Variants in PTCHD4 observed in about 807,000 individuals in gnomAD.
PTCHD4 encodes the protein patched domain-containing protein 4.
PTCHD4 carries 33 observed loss-of-function variants against 58.1 expected under a neutral mutation model. The observed-to-expected ratio is 0.57, with a 90% CI of 0.43 to 0.76. The LOEUF is 0.76. Among genes scored for constraint, PTCHD4 ranks in the 30% least tolerant of loss-of-function variants. The pLI is 0.00. For missense variants in PTCHD4, 1,058 were observed against 1,027.1 expected (o/e 1.03, Z -0.41); for synonymous variants, 478 against 409.6 (o/e 1.17, Z -2.02).
chr6:48,105,206 A>T (rs1765693100), intron 1 of PTCHD4, among the ~76,000 whole-genome samples: 1 of 152,222 alleles, frequency 6.6e-6, no homozygotes, highest in Non-Finnish European at 1.5e-5. Context: ...TTGGAAGTAA[A>T]CCACTCCTCA....
intron 4 of PTCHD4, among the ~76,000 whole-genome samples, chr6:47,897,241 T>A (rs1161283731): frequency 6.6e-6 from 1 of 152,196 alleles, no homozygotes; most frequent in Admixed American, 6.5e-5. Flanking sequence ...GCTGACCTGA[T>A]GATGAGAGTC....
At chr6:48,012,833 T>G (rs1200833515) in intron 3 of PTCHD4, among the ~76,000 whole-genome samples, 2 of 151,528 alleles carry the variant, frequency 1.3e-5, no homozygotes, top group Non-Finnish European at 3.0e-5. Flanking sequence ...GAGATAATCA[T>G]GTGGTTTTTG....
At chr6:47,925,181 A>ATG (rs144217387) in intron 4 of PTCHD4, among the ~76,000 whole-genome samples, 19,720 of 146,820 alleles carry the variant, frequency 0.13, 1,349 homozygotes, top group African/African-American at 0.19. Flanking sequence ...TATTATATAT[A>ATG]TGTGTGTGTG....
chr6:47,934,241 G>A (rs565684327), intron 4 of PTCHD4, among the ~76,000 whole-genome samples: 1 of 152,236 alleles, frequency 6.6e-6, no homozygotes, highest in African/African-American at 2.4e-5. Flanking sequence ...CAGGCGGGAA[G>A]TGCTCTCCAG....
intron 4 of PTCHD4, among the ~76,000 whole-genome samples, chr6:47,984,415 C>T (rs1256279279): frequency 6.6e-6 from 1 of 152,066 alleles, no homozygotes; most frequent in Admixed American, 6.5e-5. Flanking sequence ...CTCATGAGAA[C>T]TCAATCAATG....
chr6:47,937,662 T>C (rs1226692080), intron 4 of PTCHD4, among the ~76,000 whole-genome samples: 1 of 152,140 alleles, frequency 6.6e-6, no homozygotes, highest in Non-Finnish European at 1.5e-5. Flanking sequence ...GTTGTCAGCA[T>C]ATATTTGGTA....
At chr6:48,075,668 T>C (rs576709112) in intron 1 of PTCHD4, among the ~76,000 whole-genome samples, 1 of 152,356 alleles carries the variant, frequency 6.6e-6, no homozygotes, top group East Asian at 1.9e-4. Context: ...GGTTTCCCAG[T>C]GCATATAAAA....
chr6:47,965,957 A>C (rs529878444), intron 4 of PTCHD4, among the ~76,000 whole-genome samples: 16 of 152,230 alleles, frequency 1.1e-4, no homozygotes, highest in Middle Eastern at 3.4e-3. Flanking sequence ...ACAACAACAA[A>C]AAAAACCCTC....
At chr6:48,072,665 A>G (rs796917940) in intron 1 of PTCHD4, among the ~76,000 whole-genome samples, 5 of 152,216 alleles carry the variant, frequency 3.3e-5, no homozygotes, top group African/African-American at 1.2e-4. Context: ...ATGGATGTAT[A>G]CTTATCTATA....
intron 4 of PTCHD4, among the ~76,000 whole-genome samples, chr6:47,938,921 A>T (rs1449143921): frequency 2.0e-5 from 3 of 152,134 alleles, no homozygotes; most frequent in African/African-American, 4.8e-5. Context: ...AAGCTGATAG[A>T]ATCAATGTAC....
At chr6:48,037,145 C>G (rs1045195971) in intron 3 of PTCHD4, among the ~76,000 whole-genome samples, 1 of 152,064 alleles carries the variant, frequency 6.6e-6, no homozygotes, top group African/African-American at 2.4e-5. Context: ...TATTATCTCA[C>G]GTCATGACTA....
chr6:48,030,025 G>A (rs1763381053), intron 3 of PTCHD4, among the ~76,000 whole-genome samples: 1 of 152,016 alleles, frequency 6.6e-6, no homozygotes, highest in East Asian at 1.9e-4. Context: ...GGTACTACAG[G>A]TGAAGTCTGG....
chr6:48,019,639 G>A (rs1441635277), intron 3 of PTCHD4, among the ~76,000 whole-genome samples: 1 of 152,032 alleles, frequency 6.6e-6, no homozygotes, highest in African/African-American at 2.4e-5. Context: ...GGGAGGCTGA[G>A]GCAGGAGAAT....
chr6:48,044,310 T>C (rs1562023899), intron 3 of PTCHD4, among the ~76,000 whole-genome samples: 1 of 151,872 alleles, frequency 6.6e-6, no homozygotes, highest in Non-Finnish European at 1.5e-5. Flanking sequence ...GTCCACAAAT[T>C]ACTTCCAAAT....
rs1000344719 is a variant in PTCHD4 at position 47,873,156 on chromosome 6, T to C, written c.*5147A>G. 1.3e-5 allele frequency among the ~76,000 whole-genome samples: 2 copies of C among 151,684 alleles called. No homozygotes were observed. Among genetic ancestry groups the C allele is most frequent in the African/African-American group, 2.4e-5 (1 of 41,352 alleles). ...AGCACCTCCCACTGCAAAGATTAGG[T>C]TATGAATCTAACAAATGAGAACCCA... is the stretch of plus-strand genomic sequence containing the variant. On this transcript the variant is annotated 3_prime_UTR_variant, in exon 5 of 5. Transcript: ENST00000339488.
chr6:47,983,006 G>A (rs1361950482), intron 4 of PTCHD4, among the ~76,000 whole-genome samples: 2 of 152,102 alleles, frequency 1.3e-5, no homozygotes, highest in Non-Finnish European at 2.9e-5. Flanking sequence ...ACATGACAAA[G>A]CAGAAAGTAA....
intron 4 of PTCHD4, among the ~76,000 whole-genome samples, chr6:47,890,099 C>T (rs574201484): frequency 5.9e-5 from 9 of 151,432 alleles, no homozygotes; most frequent in South Asian, 4.2e-4. Context: ...ATATCACATA[C>T]GTATACACAC....
At chr6:48,092,126 GA>G (rs906442582) in intron 1 of PTCHD4, among the ~76,000 whole-genome samples, 2 of 152,076 alleles carry the variant, frequency 1.3e-5, no homozygotes, top group Admixed American at 6.6e-5. Flanking sequence ...CATCTACCCT[GA>G]ACAAAAATGA....
intron 4 of PTCHD4, among the ~76,000 whole-genome samples, chr6:47,979,660 A>T (rs1767809539): frequency 6.6e-6 from 1 of 152,124 alleles, no homozygotes; most frequent in Non-Finnish European, 1.5e-5. Flanking sequence ...ATTTATGTCT[A>T]ATATTAATAT....
Sources: allele counts gnomAD v4.1 joint callset (sites outside exome capture counted in the v4.1 genomes callset), GRCh38; gene constraint gnomAD v4.1.1; transcripts MANE v1.5; gene names NCBI Gene and HGNC (gene_info 2026-07-23, HGNC 2026-07-21).